FAM193A: variants seen among roughly 807,000 people sequenced by gnomAD.
FAM193A encodes family with sequence similarity 193 member A, also known as protein FAM193A.
A neutral mutation model predicts 126.5 loss-of-function variants in FAM193A; 22 were observed. The observed-to-expected ratio is 0.17, with a 90% CI of 0.12 to 0.25. FAM193A has a LOEUF of 0.25. Ranked by LOEUF, FAM193A falls within the 10% of genes least tolerant of loss-of-function variation. The probability of loss-of-function intolerance (pLI) is 1.00; values close to 1 mark genes in which losing one functional copy is unlikely to be tolerated. For missense variants in FAM193A, 1,675 were observed against 1,672.8 expected, an observed-to-expected ratio of 1.00 and a Z score of -0.02; for synonymous variants, 761 against 646.8, an observed-to-expected ratio of 1.18 and a Z score of -2.68.
chr4:2,598,302 T>A (rs1740987971), intron 2 of FAM193A, among the ~76,000 whole-genome samples: 1 of 152,224 alleles, frequency 6.6e-6, no homozygotes, highest in Non-Finnish European at 1.5e-5. Flanking sequence ...GCATCCGTAG[T>A]TTCTCTTTTT....
At chr4:2,674,248 C>G (rs1268940018) in intron 13 of FAM193A, among the ~76,000 whole-genome samples, 1 of 152,200 alleles carries the variant, frequency 6.6e-6, no homozygotes, top group Non-Finnish European at 1.5e-5. Context: ...CCAGGTCTTA[C>G]AAGATTAGTT....
In FAM193A at chr4:2,663,220, G is replaced by A. The variant is rs768323216; in HGVS notation, c.2011G>A (p.Gly671Arg). Residue 671 changes from glycine (G) to arginine (R), a missense_variant, in exon 12 of 21, where the codon GGA (glycine) becomes AGA (arginine). By Grantham distance (125) the Gly-to-Arg change is moderately radical. Transcript: ENST00000637812. ...PGAPKEDGVL[G>R]SRSPRTEESK... ...GGCCCCGAAGGAAGATGGAGTGCTG[G>A]GAAGCAGGAGCCCCAGGACAGAGGA... The A allele has an allele frequency of 1.1e-5, 17 of 1,614,058 alleles. No homozygotes were observed. Among genetic ancestry groups the A allele is most frequent in the Non-Finnish European group, 1.2e-5 (14 of 1,180,018 alleles).
intron 19 of FAM193A, among the ~76,000 whole-genome samples, chr4:2,710,096 T>G (rs1447131168): frequency 1.3e-5 from 2 of 152,008 alleles, no homozygotes; most frequent in Non-Finnish European, 2.9e-5. Flanking sequence ...AGTTAATAGT[T>G]TATGTATTTT....
chr4:2,543,895 A>AAC lies in FAM193A; in HGVS notation c.255+6725_255+6726insAC, dbSNP rs1491416211. Among the ~76,000 whole-genome samples, 1,126 of 132,584 alleles carry AAC rather than the reference A, an allele frequency of 8.5e-3. 16 individuals are homozygous for AAC. The highest frequency in any genetic ancestry group is 0.014 in the Non-Finnish European group (846 of 61,294). The allele number at this position is 132,584 out of a possible 152,430, so 87.0% of individuals were successfully genotyped here. On this transcript the variant is annotated intron_variant, in intron 1 of 20. Transcript: ENST00000637812. Reference sequence around the variant, plus strand: ...AAAAAAAAAAAAAAAAAAAAAAAAAACCAAAAAATTAGCCACCATACAGCG... The same window carrying AAC: ...AAAAAAAAAAAAAAAAAAAAAAAAAAACCCAAAAAATTAGCCACCATACAGCG...
At chr4:2,694,866 G>A (rs1716852763) in intron 16 of FAM193A, 80 bp from the exon 17 acceptor site, 11 of 1,250,456 alleles carry the variant, frequency 8.8e-6, no homozygotes, top group South Asian at 1.4e-5. Flanking sequence ...GGGCAGGACA[G>A]TGGGTGGTCA....
chr4:2,647,104 C>G (rs1745226215), intron 7 of FAM193A, among the ~76,000 whole-genome samples: 2 of 152,122 alleles, frequency 1.3e-5, no homozygotes, highest in African/African-American at 4.8e-5. Context: ...CACCTGCTGT[C>G]ACTCACACGG....
At chr4:2,716,156 A>G (rs1262965463) in intron 20 of FAM193A, 52 bp downstream of exon 20, 2 of 1,219,230 alleles carry the variant, frequency 1.6e-6, no homozygotes, top group Non-Finnish European at 2.4e-6. Context: ...CTTGCCATAC[A>G]TGTTTGGTTT....
chr4:2,617,264 T>TATA (rs1742263600), intron 2 of FAM193A, among the ~76,000 whole-genome samples: 2 of 18,038 alleles, frequency 1.1e-4, no homozygotes, highest in Admixed American at 2.5e-4. Context: ...ATATATATAT[T>TATA]TTTTTTTTTT....
intron 19 of FAM193A, among the ~76,000 whole-genome samples, chr4:2,713,158 G>A (rs1311613001): frequency 6.7e-6 from 1 of 149,588 alleles, no homozygotes; most frequent in Non-Finnish European, 1.5e-5. Flanking sequence ...TGTAATCTCA[G>A]CACTTTGGGA....
chr4:2,626,358 G>A (rs984283731), intron 3 of FAM193A, 52 bp from the exon 4 acceptor site: 4 of 680,192 alleles, frequency 5.9e-6, no homozygotes, highest in Non-Finnish European at 1.1e-5. Flanking sequence ...TGCTAGGTGA[G>A]GAAGGGCAGC....
chr4:2,716,197 T>C, intron 20 of FAM193A, 93 bp downstream of exon 20: 3 of 874,246 alleles, frequency 3.4e-6, no homozygotes, highest in Non-Finnish European at 5.8e-6. Context: ...CTAGTTGTCT[T>C]GGACGAAGTT....
At chr4:2,680,121 A>G (rs1714933644) in intron 13 of FAM193A, among the ~76,000 whole-genome samples, 1 of 152,166 alleles carries the variant, frequency 6.6e-6, no homozygotes. Context: ...TTGGCCTCCC[A>G]GAGTGCTGGG....
At chr4:2,699,155 C>T (rs959411929) in intron 18 of FAM193A, among the ~76,000 whole-genome samples, 1 of 152,176 alleles carries the variant, frequency 6.6e-6, no homozygotes, top group Non-Finnish European at 1.5e-5. Flanking sequence ...ACTGCACCAG[C>T]CTGGTACACA....
chr4:2,606,208 G>A (rs1027340962), intron 2 of FAM193A, among the ~76,000 whole-genome samples: 34 of 151,354 alleles, frequency 2.2e-4, no homozygotes, highest in African/African-American at 8.0e-4. Context: ...TTGCCACTGC[G>A]CCCGGCTAAT....
At position 2,568,973 on chromosome 4, in the gene FAM193A, CTTTT is replaced by C. The variant is rs753557878; in HGVS notation, c.256-27093_256-27090del. ...GATTTCTTTTGTTGTTGTTGTTTTGCTTTTTTTTTTTTTTTTTTTTTGATCTTGC... is the reference window on the plus strand; with the variant it reads ...GATTTCTTTTGTTGTTGTTGTTTTGCTTTTTTTTTTTTTTTTTGATCTTGC... On this transcript the variant is annotated intron_variant, in intron 1 of 20. Coordinates refer to ENST00000637812, the MANE Select transcript of FAM193A (RefSeq NM_001366318.2). Among the ~76,000 whole-genome samples, 464 of 90,736 alleles carry C rather than the reference CTTTT, an allele frequency of 5.1e-3. 1 individual carries two copies. Among genetic ancestry groups the C allele is most frequent in the African/African-American group, 0.018 (394 of 21,754 alleles). The allele number at this position is 90,736 out of a possible 152,430, so 59.5% of individuals were successfully genotyped here. A position where few individuals can be genotyped will look rare whatever the true frequency, so the allele number is the denominator to read the frequency against.
chr4:2,557,486 T>A (rs1214584449), intron 1 of FAM193A, among the ~76,000 whole-genome samples: 2 of 152,232 alleles, frequency 1.3e-5, no homozygotes, highest in Non-Finnish European at 2.9e-5. Flanking sequence ...TTCCAGGATC[T>A]AATCCAGTAC....
intron 6 of FAM193A, among the ~76,000 whole-genome samples, chr4:2,642,495 G>T (rs548694930): frequency 2.0e-5 from 3 of 152,146 alleles, no homozygotes; most frequent in Non-Finnish European, 4.4e-5. Flanking sequence ...CATCGGAAGA[G>T]AATTCACAGT....
chr4:2,646,765 A>G lies in FAM193A; in HGVS notation c.1244A>G (p.Glu415Gly). ...LLQRYQRSEEELRRVAEEWLE... is the reference protein window; with the variant it reads ...LLQRYQRSEEGLRRVAEEWLE... ...CAGAGGTACCAGCGTTCCGAGGAGGAGCTGCGCAGAGTCGCCGAGGAGTGG... is the reference window on the plus strand; with the variant it reads ...CAGAGGTACCAGCGTTCCGAGGAGGGGCTGCGCAGAGTCGCCGAGGAGTGG... Residue 415 changes from glutamate to glycine, a missense_variant, in exon 7 of 21, where the codon GAG becomes GGG. This residue lies in a region of FAM193A where 1,186 missense variants were observed against 1,109.2 expected (regional missense o/e 1.07). Coordinates refer to ENST00000637812, the MANE Select transcript of FAM193A (RefSeq NM_001366318.2). 1.2e-6 allele frequency: 2 copies of G among 1,614,084 alleles called. No individual in the cohort carries two copies. The highest frequency in any genetic ancestry group is 8.5e-7 in the Non-Finnish European group (1 of 1,179,990).
intron 2 of FAM193A, among the ~76,000 whole-genome samples, chr4:2,596,937 G>A (rs963990521): frequency 6.6e-6 from 1 of 152,134 alleles, no homozygotes; most frequent in Non-Finnish European, 1.5e-5. Context: ...GCTTGAAAGC[G>A]GCTAATTATT....
Sources: gnomAD v4.1 joint callset for allele counts (sites outside exome capture counted in the v4.1 genomes callset) on GRCh38, gnomAD v4.1.1 for gene constraint, gnomAD v4.1.1 regional missense constraint, MANE v1.5 for transcripts, NCBI Gene and HGNC (gene_info 2026-07-23, HGNC 2026-07-21) for gene names.